BLTP1: variants seen among roughly 807,000 people sequenced by gnomAD.
The protein encoded by BLTP1 is bridge-like lipid transfer protein family member 1.
chr4:122,262,788 A>G, the BLTP1 span: 1 of 1,610,300 alleles, frequency 6.2e-7, no homozygotes. Flanking sequence ...TCATTCTCTG[A>G]GCTATACCAG....
the BLTP1 span, chr4:122,219,313 C>A: frequency 1.2e-6 from 2 of 1,604,172 alleles, no homozygotes; most frequent in South Asian, 1.1e-5. Flanking sequence ...CTTTTGACAG[C>A]AATTTGTGTT....
chr4:122,201,681 G>A, the BLTP1 span, among the ~76,000 whole-genome samples: 4 of 152,142 alleles, frequency 2.6e-5, no homozygotes, highest in Non-Finnish European at 4.4e-5. Context: ...TCTATGAATA[G>A]CATAAATATT....
the BLTP1 span, chr4:122,251,254 T>C: frequency 3.3e-6 from 3 of 915,492 alleles, no homozygotes; most frequent in African/African-American, 1.8e-5. Context: ...GTATGTAGTA[T>C]GTAATAAGAA....
chr4:122,178,696 CATT>C, the BLTP1 span, among the ~76,000 whole-genome samples: 1 of 152,082 alleles, frequency 6.6e-6, no homozygotes, highest in Non-Finnish European at 1.5e-5. Context: ...GCTTTTATTC[CATT>C]ATTATCTCAT....
At chr4:122,167,671 A>C in the BLTP1 span, 1 of 985,052 alleles carries the variant, frequency 1.0e-6, no homozygotes, top group Non-Finnish European at 1.2e-6. Context: ...TGGTTTTGAC[A>C]CCCTTAGGTG....
At chr4:122,334,267 T>C in the BLTP1 span, 1 of 1,294,062 alleles carries the variant, frequency 7.7e-7, no homozygotes, top group South Asian at 1.4e-5. Context: ...ATGTTCTTTC[T>C]ACCACATTTT....
the BLTP1 span, among the ~76,000 whole-genome samples, chr4:122,283,685 T>G: frequency 6.6e-6 from 1 of 152,112 alleles, no homozygotes; most frequent in African/African-American, 2.4e-5. Context: ...TTTAAAATTT[T>G]TTGTAGAGAT....
chr4:122,255,445 C>T, the BLTP1 span, among the ~76,000 whole-genome samples: 5 of 152,164 alleles, frequency 3.3e-5, no homozygotes, highest in African/African-American at 1.2e-4. Flanking sequence ...TCATTTGAGG[C>T]CAAGAGCTGG....
chr4:122,159,730 A>T, the BLTP1 span, among the ~76,000 whole-genome samples: 2 of 152,208 alleles, frequency 1.3e-5, no homozygotes, highest in African/African-American at 4.8e-5. Flanking sequence ...ATTTGGAAAC[A>T]GGCGCAAAGA....
chr4:122,251,390 A>G, the BLTP1 span: 3 of 911,738 alleles, frequency 3.3e-6, no homozygotes, highest in African/African-American at 3.6e-5. Flanking sequence ...ATGGGTATCT[A>G]GTAATCATGG....
the BLTP1 span, among the ~76,000 whole-genome samples, chr4:122,191,391 C>T: frequency 6.6e-6 from 1 of 151,928 alleles, no homozygotes; most frequent in Admixed American, 6.6e-5. Flanking sequence ...ATGAGCTTGA[C>T]AGCATCCCAA....
the BLTP1 span, chr4:122,182,534 C>T: frequency 2.0e-6 from 1 of 495,024 alleles, no homozygotes; most frequent in Non-Finnish European, 2.6e-6. Flanking sequence ...GAGCTCCCCT[C>T]CGCTCCACAT....
At chr4:122,258,935 A>C in the BLTP1 span, 2 of 657,936 alleles carry the variant, frequency 3.0e-6, no homozygotes, top group East Asian at 5.8e-5. Context: ...TGTCCACCCT[A>C]AATATTCAGA....
At chr4:122,333,818 C>T in the BLTP1 span, 2 of 1,605,678 alleles carry the variant, frequency 1.2e-6, no homozygotes, top group Non-Finnish European at 1.7e-6. Context: ...AGGTAAAAAC[C>T]CAATTGCCTA....
At chr4:122,246,624 TTTTATG>T in the BLTP1 span, 6 of 1,568,380 alleles carry the variant, frequency 3.8e-6, no homozygotes, top group South Asian at 4.7e-5. Context: ...TTTGTGCATA[TTTTATG>T]TTTAAGTGGT....
At chr4:122,213,741 G>A in the BLTP1 span, among the ~76,000 whole-genome samples, 1 of 152,066 alleles carries the variant, frequency 6.6e-6, no homozygotes, top group African/African-American at 2.4e-5. Context: ...ATGAGGACAT[G>A]TATGGAAATG....
At chr4:122,353,785 T>C in the BLTP1 span, 1 of 1,594,778 alleles carries the variant, frequency 6.3e-7, no homozygotes, top group Non-Finnish European at 8.6e-7. This position sits in a 1 kb window ranked among gnomAD's most constrained non-coding sequence, Gnocchi z 4.3. Flanking sequence ...GGTTTATTAC[T>C]TTAAAAAAGT....
the BLTP1 span, chr4:122,153,986 A>G: frequency 1.0e-5 from 10 of 984,774 alleles, no homozygotes; most frequent in South Asian, 4.2e-4. Flanking sequence ...GTAAAGCCAG[A>G]ATACCTTGTA....
chr4:122,275,690 T>C, the BLTP1 span, among the ~76,000 whole-genome samples: 1 of 152,078 alleles, frequency 6.6e-6, no homozygotes, highest in Non-Finnish European at 1.5e-5. Flanking sequence ...TGCTCTTTTT[T>C]CCCCCAAGTA....
Sources: gnomAD v4.1 joint callset for allele counts (sites outside exome capture counted in the v4.1 genomes callset) on GRCh38, gnomAD v4.1.1 for gene constraint, Gnocchi (gnomAD v3.1) non-coding constraint, MANE v1.5 for transcripts, NCBI Gene and HGNC (gene_info 2026-07-23, HGNC 2026-07-21) for gene names.